The following CYP4A11 variants were observed in gnomAD, a reference collection of about 807,000 sequenced individuals.
CYP4A11 encodes cytochrome P450 4A11.
CYP4A11 carries 52 observed loss-of-function variants against 57.7 expected under a neutral mutation model. The observed-to-expected ratio is 0.90, with a 90% CI of 0.72 to 1.14. CYP4A11 has a LOEUF of 1.14. Ranked by LOEUF, CYP4A11 falls within the 50% of genes most tolerant of loss-of-function variation. The probability of loss-of-function intolerance (pLI) is 0.00; values close to 1 mark genes in which losing one functional copy is unlikely to be tolerated. For synonymous variants in CYP4A11, 228 were observed against 247.1 expected, an observed-to-expected ratio of 0.92 and a Z score of 0.72; for missense variants, 641 against 642.1, an observed-to-expected ratio of 1.00 and a Z score of 0.02.
At position 46,934,216 on chromosome 1, in the gene CYP4A11, C is replaced by T; in HGVS notation, c.1048G>A (p.Glu350Lys). ...CCATCACCCAGGAGGCTGTGGATCTCCTCCCGGCACCTCTCCTGATGCTTG... is the reference window on the plus strand; with the variant it reads ...CCATCACCCAGGAGGCTGTGGATCTTCTCCCGGCACCTCTCCTGATGCTTG... ...HPKHQERCRE[E>K]IHSLLGDGAS... Residue 350 changes from glutamate to lysine, a missense_variant, in exon 8 of 12, where the codon GAG becomes AAG. Transcript: ENST00000310638. The T allele has an allele frequency of 5.0e-6, 8 of 1,613,880 alleles. No individual in the cohort carries two copies. The highest frequency in any genetic ancestry group is 4.2e-6 in the Non-Finnish European group (5 of 1,179,878).
At chr1:46,936,620 G>C (rs1681406663) in intron 4 of CYP4A11, 44 bp downstream of exon 4, 1 of 1,539,332 alleles carries the variant, frequency 6.5e-7, no homozygotes, top group Non-Finnish European at 8.8e-7. Context: ...GTGAGAGTGT[G>C]TGCTGTGAGT....
In CYP4A11 at chr1:46,941,351, A is replaced by G; in HGVS notation, c.83T>C (p.Leu28Pro). The G allele has an allele frequency of 6.2e-7, 1 of 1,614,186 alleles. No individual in the cohort carries two copies. Among genetic ancestry groups the G allele is most frequent in the Non-Finnish European group, 8.5e-7 (1 of 1,180,044 alleles). The change falls in exon 1 of 12, where the codon CTT (leucine) becomes CCT (proline). Residue 28 changes from leucine (L) to proline (P), a missense_variant. Transcript: ENST00000310638. ...CTGAACTGCCTTGATCAGCAGCAGA[A>G]GCAGAATGAGCAGGGAGGCCGCTTG... ...ILQAASLLIL[L>P]LLLIKAVQLY...
In CYP4A11 at chr1:46,930,027, G is replaced by C; in HGVS notation, c.*88C>G. On this transcript the variant is annotated 3_prime_UTR_variant, in exon 12 of 12. Coordinates refer to ENST00000310638, the MANE Select transcript of CYP4A11 (RefSeq NM_000778.4). ...GGACAGCAGGCAGGTGGGAAGAAGG[G>C]AAGGTGGGCAGACAGAAAACAGGAT... The C allele has an allele frequency of 6.9e-7, 1 of 1,457,132 alleles. No homozygotes were observed. The highest frequency in any genetic ancestry group is 1.4e-5 in the African/African-American group (1 of 70,542). The allele number at this position is 1,457,132 out of a possible 1,614,324, so 90.3% of individuals were successfully genotyped here. A position where few individuals can be genotyped will look rare whatever the true frequency, so the allele number is the denominator to read the frequency against.
intron 4 of CYP4A11, among the ~76,000 whole-genome samples, chr1:46,936,078 G>A (rs1225925553): frequency 6.6e-6 from 1 of 152,252 alleles, no homozygotes. Context: ...TGGGCACTCT[G>A]TTGTAGAGAA....
intron 11 of CYP4A11, 24 bp from the exon 12 acceptor site, chr1:46,930,334 T>A (rs1214673550): frequency 6.3e-7 from 1 of 1,598,780 alleles, no homozygotes; most frequent in Non-Finnish European, 8.5e-7. Flanking sequence ...AGATAATGAA[T>A]TGAGAAGTGT....
rs748619490 is a variant in CYP4A11 at position 46,930,321 on chromosome 1, T to C, written c.1365-11A>G. 122 of 1,606,728 alleles carry C rather than the reference T, an allele frequency of 7.6e-5. No homozygotes were observed. The African/African-American group carries it at 7.9e-4, about 10-fold the overall frequency. ...TTCCCGATGCAGTTCCTGGGCCAGG[T>C]GGAGATAATGAATTGAGAAGTGTCC... On this transcript the variant is annotated splice_polypyrimidine_tract_variant and intron_variant, in intron 11 of 11. Coordinates refer to ENST00000310638, the MANE Select transcript of CYP4A11 (RefSeq NM_000778.4).
chr1:46,930,200 G>A lies in CYP4A11; in HGVS notation c.1475C>T (p.Ala492Val). The change falls in exon 12 of 12, where the codon GCA becomes GTA. Residue 492 changes from alanine (A) to valine (V), a missense_variant. Transcript: ENST00000310638. ...PDPTRIPIPIARLVLKSKNGI... is the reference protein window; with the variant it reads ...PDPTRIPIPIVRLVLKSKNGI... Reference sequence around the variant, plus strand: ...ATTTTTGGATTTCAACACAAGTCGTGCAATGGGGATGGGGATCCTGGTGGG... The same window carrying A: ...ATTTTTGGATTTCAACACAAGTCGTACAATGGGGATGGGGATCCTGGTGGG... 1 of 1,614,144 alleles carries A rather than the reference G, an allele frequency of 6.2e-7. No homozygotes were observed. The highest frequency in any genetic ancestry group is 8.5e-7 in the Non-Finnish European group (1 of 1,180,006).
chr1:46,936,301 A>G (rs1215708811), intron 4 of CYP4A11, among the ~76,000 whole-genome samples: 1 of 152,238 alleles, frequency 6.6e-6, no homozygotes, highest in East Asian at 1.9e-4. Context: ...TGGCCTGTCC[A>G]TGCTGCCACT....
chr1:46,930,640 T>C (rs1680964938), intron 11 of CYP4A11, among the ~76,000 whole-genome samples: 1 of 152,076 alleles, frequency 6.6e-6, no homozygotes, highest in Non-Finnish European at 1.5e-5. Context: ...TAATCAATGG[T>C]TTGTTCACTC....
intron 2 of CYP4A11, among the ~76,000 whole-genome samples, chr1:46,937,576 A>T (rs1421843691): frequency 6.6e-6 from 1 of 152,194 alleles, no homozygotes; most frequent in Admixed American, 6.5e-5. Context: ...ATTGGTGAGA[A>T]ACATAGGCTA....
Position 46,937,364 on chromosome 1 carries a change from G to T in CYP4A11, c.338-18C>A. The T allele has an allele frequency of 6.2e-7, 1 of 1,613,554 alleles. No individual in the cohort carries two copies. Among genetic ancestry groups the T allele is most frequent in the Non-Finnish European group, 8.5e-7 (1 of 1,179,526 alleles). Reference sequence around the variant, plus strand: ...TTTCGGGTCTGAAAGGCAAGAAAGGGCTTTATAGGAAACTAGGAGTTACTA... The same window carrying T: ...TTTCGGGTCTGAAAGGCAAGAAAGGTCTTTATAGGAAACTAGGAGTTACTA... On this transcript the variant is annotated intron_variant, in intron 2 of 11. Coordinates refer to ENST00000310638, the MANE Select transcript of CYP4A11 (RefSeq NM_000778.4).
chr1:46,937,829 A>G (rs972886829), intron 2 of CYP4A11, among the ~76,000 whole-genome samples, 167 bp downstream of exon 2: 14 of 152,184 alleles, frequency 9.2e-5, no homozygotes, highest in African/African-American at 3.4e-4. Flanking sequence ...TTCGGAGTTC[A>G]GTAACTATTT....
At chr1:46,932,888 G>T (rs1417111961) in intron 10 of CYP4A11, 51 bp from the exon 11 acceptor site, 1 of 1,614,046 alleles carries the variant, frequency 6.2e-7, no homozygotes, top group Non-Finnish European at 8.5e-7. Flanking sequence ...GCACCTACTT[G>T]CCACCCATGG....
chr1:46,929,578 T>C lies in CYP4A11; in HGVS notation c.*537A>G, dbSNP rs1201266649. ...CACATGATTTACAGCTGTGACGGTT[T>C]AGCATCTGCTCTGCTACTTGAGATA... On this transcript the variant is annotated 3_prime_UTR_variant, in exon 12 of 12. Transcript: ENST00000310638. The C allele has an allele frequency of 1.3e-5, 1 of 77,146 alleles. No individual in the cohort carries two copies. The highest frequency in any genetic ancestry group is 3.9e-5 in the Non-Finnish European group (1 of 25,670). The allele number at this position is 77,146 out of a possible 1,614,324, so 4.8% of individuals were successfully genotyped here.
intron 9 of CYP4A11, among the ~76,000 whole-genome samples, chr1:46,933,685 C>A (rs550529213): frequency 2.6e-5 from 4 of 152,350 alleles, no homozygotes; most frequent in South Asian, 2.1e-4. Context: ...TCCAGCCCTG[C>A]ACATCTCAGG....
intron 5 of CYP4A11, 80 bp downstream of exon 5, chr1:46,935,443 C>T (rs1012496266): frequency 5.3e-5 from 81 of 1,520,328 alleles, no homozygotes; most frequent in African/African-American, 2.8e-4. Context: ...TGAGCCTTCA[C>T]GCTGCCCCAC....
rs772344650 is a variant in CYP4A11, at chr1:46,935,004, G to T, written c.786C>A (p.His262Gln). Residue 262 changes from histidine (H) to glutamine (Q), a missense_variant, in exon 6 of 12, where the codon CAC becomes CAA. By Grantham distance (24) the His-to-Gln change is conservative. Coordinates refer to ENST00000310638, the MANE Select transcript of CYP4A11 (RefSeq NM_000778.4). ...GACAAGAGGAAAAGACAGAACCTGT[G>T]TGCTGATGGGCCAGCTGGCAGGCGC... ...THRACQLAHQHTDQVIQLRKA... is the reference protein window; with the variant it reads ...THRACQLAHQQTDQVIQLRKA... The T allele has an allele frequency of 6.2e-7, 1 of 1,613,886 alleles. No homozygotes were observed.
At chr1:46,938,281 T>C in intron 1 of CYP4A11, 144 bp from the exon 2 acceptor site, 1 of 1,224,050 alleles carries the variant, frequency 8.2e-7, no homozygotes, top group South Asian at 1.5e-5. Context: ...TGATCCAGAT[T>C]CTTGCTCTCT....
At position 46,930,174 on chromosome 1, in the gene CYP4A11, C is replaced by T; in HGVS notation, c.1501G>A (p.Gly501Arg). ...IARLVLKSKN[G>R]IHLRLRRLPN... ...AGCCTCCTGAGACGCAGGTGGATTCCATTTTTGGATTTCAACACAAGTCGT... is the reference window on the plus strand; with the variant it reads ...AGCCTCCTGAGACGCAGGTGGATTCTATTTTTGGATTTCAACACAAGTCGT... The change falls in exon 12 of 12, where the codon GGA (glycine) becomes AGA (arginine). Residue 501 changes from glycine to arginine, a missense_variant. Transcript: ENST00000310638. The T allele has an allele frequency of 1.2e-6, 2 of 1,614,016 alleles. No homozygotes were observed. The highest frequency in any genetic ancestry group is 1.7e-6 in the Non-Finnish European group (2 of 1,179,958).
Sources: gnomAD v4.1 joint callset for allele counts (sites outside exome capture counted in the v4.1 genomes callset) on GRCh38, gnomAD v4.1.1 for gene constraint, MANE v1.5 for transcripts, NCBI Gene and HGNC (gene_info 2026-07-23, HGNC 2026-07-21) for gene names.